Variants in PIEZO2 observed in about 807,000 individuals in gnomAD.
PIEZO2 encodes the protein piezo type mechanosensitive ion channel component 2.
PIEZO2 carries 172 observed loss-of-function variants against 337.3 expected under a neutral mutation model. That is an observed-to-expected ratio of 0.51 (90% CI 0.45 to 0.58). PIEZO2 has a LOEUF of 0.58. Among genes scored for constraint, PIEZO2 ranks in the 20% least tolerant of loss-of-function variants. The pLI, the probability that PIEZO2 is intolerant of heterozygous loss-of-function variation, is 0.00. For missense variants in PIEZO2, 3,028 were observed against 3,391.3 expected, an observed-to-expected ratio of 0.89 and a Z score of 2.66; for synonymous variants, 1,251 against 1,228.5, an observed-to-expected ratio of 1.02 and a Z score of -0.38.
chr18:10,756,055 A>G (rs946947557), intron 27 of PIEZO2, among the ~76,000 whole-genome samples: 1 of 133,830 alleles, frequency 7.5e-6, no homozygotes, highest in Non-Finnish European at 1.6e-5. Flanking sequence ...CAGGATGAAG[A>G]GGAGGGATGG....
At position 10,856,933 on chromosome 18, in the gene PIEZO2, A is replaced by G; in HGVS notation, c.703+68T>C. ...TGTTTCCTTCATTTCTTCTTCAACCATTTCTCTCATTCACCAAAGCACTGC... is the reference window on the plus strand; with the variant it reads ...TGTTTCCTTCATTTCTTCTTCAACCGTTTCTCTCATTCACCAAAGCACTGC... On this transcript the variant is annotated intron_variant, in intron 6 of 55. Coordinates refer to ENST00000674853, the MANE Select transcript of PIEZO2 (RefSeq NM_001378183.1). This position sits in a 1 kb window ranked among gnomAD's most constrained non-coding sequence, Gnocchi z 4.7. 5.2e-6 allele frequency: 7 copies of G among 1,357,676 alleles called. No individual in the cohort carries two copies. Among genetic ancestry groups the G allele is most frequent in the Non-Finnish European group, 7.1e-6 (7 of 987,146 alleles). The allele number at this position is 1,357,676 out of a possible 1,614,324, so 84.1% of individuals were successfully genotyped here. A position where few individuals can be genotyped will look rare whatever the true frequency, so the allele number is the denominator to read the frequency against.
intron 36 of PIEZO2, chr18:10,728,660 T>C (rs1192255596): frequency 6.6e-6 from 1 of 151,534 alleles, no homozygotes; most frequent in East Asian, 1.9e-4. Context: ...CATGAACTTA[T>C]TGAAAAAAAA....
At chr18:10,873,098 C>A (rs1002147127) in intron 4 of PIEZO2, among the ~76,000 whole-genome samples, 4 of 152,000 alleles carry the variant, frequency 2.6e-5, no homozygotes, top group African/African-American at 9.7e-5. Context: ...ACACTGTATT[C>A]GTTTACATTA....
At position 10,759,203 on chromosome 18, in the gene PIEZO2, A is replaced by ATG. The variant is rs750817456; in HGVS notation, c.3757+277_3757+278dup. ...TGTCTTTTGAAAGGTGGCTGTGTAA[A>ATG]TGTGTGTGTGTGTGTGTGTGTGTGT... On this transcript the variant is annotated intron_variant, in intron 26 of 55. Coordinates refer to ENST00000674853, the MANE Select transcript of PIEZO2 (RefSeq NM_001378183.1). This position sits in a 1 kb window ranked among gnomAD's most constrained non-coding sequence, Gnocchi z 5.5. 0.013 allele frequency among the ~76,000 whole-genome samples: 1,932 copies of ATG among 148,556 alleles called. 13 individuals carry two copies. The highest frequency in any genetic ancestry group is 0.028 in the South Asian group (133 of 4,708).
intron 2 of PIEZO2, among the ~76,000 whole-genome samples, chr18:11,059,047 C>G (rs1175826727): frequency 6.6e-6 from 1 of 152,188 alleles, no homozygotes; most frequent in Non-Finnish European, 1.5e-5. Context: ...ACCAGACTAA[C>G]AGCTGATTTC....
At chr18:11,134,254 G>C (rs978467459) in intron 1 of PIEZO2, among the ~76,000 whole-genome samples, 1 of 152,180 alleles carries the variant, frequency 6.6e-6, no homozygotes, top group African/African-American at 2.4e-5. Flanking sequence ...CCACTATGCT[G>C]CTGCTACACC....
At chr18:10,959,064 A>G (rs1271341255) in intron 3 of PIEZO2, among the ~76,000 whole-genome samples, 1 of 152,178 alleles carries the variant, frequency 6.6e-6, no homozygotes, top group Non-Finnish European at 1.5e-5. Context: ...GACATTAAAT[A>G]TATGTCATCA....
rs1432837558 is a variant in PIEZO2, at chr18:10,759,987, T to C, written c.3451-78A>G. ...GGACTGGTGATAGGTGTCAGGTCTG[T>C]GTAGATGGCGGAGACCCATGTCCCT... On this transcript the variant is annotated intron_variant, in intron 24 of 55. Transcript: ENST00000674853. The surrounding 1 kb of genome is among the most constrained non-coding windows in gnomAD (Gnocchi z 5.5). 4 of 1,316,080 alleles carry C rather than the reference T, an allele frequency of 3.0e-6. No individual in the cohort carries two copies. The highest frequency in any genetic ancestry group is 4.2e-6 in the Non-Finnish European group (4 of 953,524). 81.5% of individuals were successfully genotyped at this position (1,316,080 alleles called of 1,614,324 possible).
chr18:10,780,431 G>A (rs1172952122), intron 17 of PIEZO2, 65 bp from the exon 18 acceptor site: 3 of 701,862 alleles, frequency 4.3e-6, no homozygotes, highest in Non-Finnish European at 7.8e-6. Flanking sequence ...AAAGAGAGGA[G>A]ACTGTTAGAC....
In PIEZO2 at chr18:10,903,024, C is replaced by T. The variant is rs2043087739; in HGVS notation, c.329+8162G>A. 6.6e-6 allele frequency among the ~76,000 whole-genome samples: 1 copy of T among 152,188 alleles called. No homozygotes were observed. The highest frequency in any genetic ancestry group is 1.5e-5 in the Non-Finnish European group (1 of 68,036). ...GGGCAACAGGGCTTTTATCCCCAGC[C>T]TTTCCAGGCTGCCCCGGGGAGACAG... On this transcript the variant is annotated intron_variant, in intron 4 of 55. Coordinates refer to ENST00000674853, the MANE Select transcript of PIEZO2 (RefSeq NM_001378183.1). The surrounding 1 kb of genome is among the most constrained non-coding windows in gnomAD (Gnocchi z 4.1).
chr18:10,920,127 A>C (rs910983798), intron 3 of PIEZO2, among the ~76,000 whole-genome samples: 1 of 152,176 alleles, frequency 6.6e-6, no homozygotes, highest in Non-Finnish European at 1.5e-5. Flanking sequence ...CAACTGTGTC[A>C]TTCCTGAATA....
intron 3 of PIEZO2, among the ~76,000 whole-genome samples, chr18:10,912,475 A>T (rs1387848802): frequency 6.6e-6 from 1 of 152,188 alleles, no homozygotes; most frequent in Non-Finnish European, 1.5e-5. Flanking sequence ...GTAGTTATTG[A>T]TAATTACTGC....
chr18:10,736,785 C>T, intron 33 of PIEZO2, 75 bp from the exon 34 acceptor site: 2 of 1,435,578 alleles, frequency 1.4e-6, no homozygotes, highest in East Asian at 2.5e-5. Flanking sequence ...TGAAATGTCC[C>T]CTAAAGATAC....
chr18:11,052,144 T>C (rs2037557196), intron 2 of PIEZO2, among the ~76,000 whole-genome samples: 1 of 152,226 alleles, frequency 6.6e-6, no homozygotes, highest in Admixed American at 6.5e-5. Flanking sequence ...TTCTATTCTC[T>C]AATACAATGA....
rs2042123459 is a variant in PIEZO2 at position 10,870,903 on chromosome 18, T to C, written c.492+350A>G. 6.6e-6 allele frequency among the ~76,000 whole-genome samples: 1 copy of C among 152,080 alleles called. No individual in the cohort carries two copies. The stretch of plus-strand genomic sequence containing the variant: ...TACCAGATGTTACTTCTTTAAATAT[T>C]CTGCAATAACTAAGGTACCCAGACC... On this transcript the variant is annotated intron_variant, in intron 5 of 55. Coordinates refer to ENST00000674853, the MANE Select transcript of PIEZO2 (RefSeq NM_001378183.1). The surrounding 1 kb of genome is among the most constrained non-coding windows in gnomAD (Gnocchi z 5.3).
At position 10,832,025 on chromosome 18, in the gene PIEZO2, C is replaced by T. The variant is rs1029353924; in HGVS notation, c.917+23328G>A. ...ATTAAACAGAGTTGGAGGCCAGGTG[C>T]GGTGGCTCACACTTGTAATCCCAGC... On this transcript the variant is annotated intron_variant, in intron 7 of 55. Coordinates refer to ENST00000674853, the MANE Select transcript of PIEZO2 (RefSeq NM_001378183.1). Among the ~76,000 whole-genome samples, 7 of 152,166 alleles carry T rather than the reference C, an allele frequency of 4.6e-5. No individual in the cohort carries two copies. In the South Asian group the frequency reaches 6.2e-4, roughly 14 times the overall value.
At chr18:10,900,211 A>AC in intron 4 of PIEZO2, among the ~76,000 whole-genome samples, 3 of 147,044 alleles carry the variant, frequency 2.0e-5, no homozygotes, top group South Asian at 2.2e-4. Flanking sequence ...ACACACACAC[A>AC]AACACCTAAA....
intron 5 of PIEZO2, among the ~76,000 whole-genome samples, chr18:10,858,018 T>TC (rs2041760358): frequency 1.3e-5 from 2 of 151,256 alleles, no homozygotes; most frequent in African/African-American, 4.8e-5. Context: ...TTTTTTTTTT[T>TC]TTAAAGAAAT....
At chr18:10,704,015 C>A (rs1001996505) in intron 42 of PIEZO2, among the ~76,000 whole-genome samples, 3 of 152,152 alleles carry the variant, frequency 2.0e-5, no homozygotes, top group East Asian at 1.9e-4. Flanking sequence ...TCTGCAGAAG[C>A]CTGTTATCGT....
Sources: gnomAD v4.1 joint callset for allele counts (sites outside exome capture counted in the v4.1 genomes callset) on GRCh38, gnomAD v4.1.1 for gene constraint, Gnocchi (gnomAD v3.1) non-coding constraint, MANE v1.5 for transcripts, NCBI Gene and HGNC (gene_info 2026-07-23, HGNC 2026-07-21) for gene names.